TRPM4: variants seen among roughly 807,000 people sequenced by gnomAD.
The protein encoded by TRPM4 is transient receptor potential cation channel subfamily M member 4.
A neutral mutation model predicts 135.6 loss-of-function variants in TRPM4; 124 were observed. The observed-to-expected ratio is 0.91, with a 90% CI of 0.79 to 1.06. The LOEUF (loss-of-function observed/expected upper bound fraction) is 1.06, where lower values mean the gene tolerates loss of function less well. Among genes scored for constraint, TRPM4 ranks in the 50% least tolerant of loss-of-function variants. The probability of loss-of-function intolerance (pLI) is 0.00; values close to 1 mark genes in which losing one functional copy is unlikely to be tolerated. For missense variants in TRPM4, 1,658 were observed against 1,671.4 expected (o/e 0.99, Z 0.14); for synonymous variants, 745 against 705.6 (o/e 1.06, Z -0.88).
At chr19:49,196,164 T>C (rs1968626611) in intron 16 of TRPM4, among the ~76,000 whole-genome samples, 4 of 151,920 alleles carry the variant, frequency 2.6e-5, no homozygotes, top group African/African-American at 9.7e-5. Flanking sequence ...GATCCGGGTA[T>C]ATTTTTAAAA....
At chr19:49,162,163 G>A (rs889677713) in intron 2 of TRPM4, among the ~76,000 whole-genome samples, 14 of 152,152 alleles carry the variant, frequency 9.2e-5, no homozygotes, top group Non-Finnish European at 1.5e-4. Flanking sequence ...CTGTAGCCAG[G>A]GCCACTTGTG....
intron 17 of TRPM4, among the ~76,000 whole-genome samples, chr19:49,197,304 TTCTTTTTCTTTC>T (rs1187661254): frequency 6.5e-5 from 8 of 122,220 alleles, no homozygotes; most frequent in African/African-American, 3.0e-4. Context: ...TTCTCTTTCT[TTCTTTTTCTTTC>T]TTTCTTTCTT....
Position 49,200,439 on chromosome 19 carries a change from CA to C in TRPM4, c.2778+8del, listed in dbSNP as rs1600513831. ...CGTCATCGTGAGCAAGATGGTGAGGCAGGGGCGGGGCCAAAGTGGGCGGGGA... is the reference window on the plus strand; with the variant it reads ...CGTCATCGTGAGCAAGATGGTGAGGCGGGGCGGGGCCAAAGTGGGCGGGGA... On this transcript the variant is annotated splice_region_variant and intron_variant, in intron 18 of 24. Transcript: ENST00000252826. 6.2e-7 allele frequency: 1 copy of C among 1,603,048 alleles called. No individual in the cohort carries two copies. The highest frequency in any genetic ancestry group is 8.5e-7 in the Non-Finnish European group (1 of 1,175,860).
rs546238164 is a variant in TRPM4, at chr19:49,173,595, G to A, written c.1150+1487G>A. Among the ~76,000 whole-genome samples, 7 of 152,308 alleles carry A rather than the reference G, an allele frequency of 4.6e-5. No homozygotes were observed. The South Asian group carries it at 1.5e-3, about 32-fold the overall frequency. ...ACTAGAAATGGCAGCTTGGAGGACG[G>A]AATGATGAAAACCAAGGCGGGGGAG... On this transcript the variant is annotated intron_variant, in intron 9 of 24. Coordinates refer to ENST00000252826, the MANE Select transcript of TRPM4 (RefSeq NM_017636.4).
At chr19:49,176,610 T>C (rs1182604912) in intron 9 of TRPM4, among the ~76,000 whole-genome samples, 1 of 152,032 alleles carries the variant, frequency 6.6e-6, no homozygotes, top group Non-Finnish European at 1.5e-5. Flanking sequence ...ATCCCAACAT[T>C]TTGGGAGGCT....
rs59760626 is a variant in TRPM4 at position 49,197,473 on chromosome 19, CTCCTTCCTTCCTTCCTTCCTTCCTTCCT to C, written c.2645+614_2645+641del. On this transcript the variant is annotated intron_variant, in intron 17 of 24. Transcript: ENST00000252826. ...GTCCTCTGCCCCTCTGCCTCCCTCC[CTCCTTCCTTCCTTCCTTCCTTCCTTCCT>C]TCCTTCCTTCCTTCTATGCTTCCTT... is the stretch of plus-strand genomic sequence containing the variant. 8.2e-3 allele frequency among the ~76,000 whole-genome samples: 948 copies of C among 114,932 alleles called. 18 individuals are homozygous for C. The highest frequency in any genetic ancestry group is 0.03 in the African/African-American group (896 of 29,706). 75.4% of individuals were successfully genotyped at this position (114,932 alleles called of 152,430 possible).
At chr19:49,196,075 T>C (rs1022954363) in intron 16 of TRPM4, among the ~76,000 whole-genome samples, 40 of 151,952 alleles carry the variant, frequency 2.6e-4, no homozygotes, top group African/African-American at 8.9e-4. Context: ...GCCAGGCTGG[T>C]CTCGAACTCC....
Position 49,182,804 on chromosome 19 carries a change from A to C in TRPM4, c.1490A>C (p.Glu497Ala), listed in dbSNP as rs753611182. 5 of 1,577,412 alleles carry C rather than the reference A, an allele frequency of 3.2e-6. No individual in the cohort carries two copies. The highest frequency in any genetic ancestry group is 2.2e-5 in the East Asian group (1 of 44,874). Residue 497 changes from glutamate (E) to alanine (A), a missense_variant, in exon 11 of 25, where the codon GAG becomes GCG. Glu to Ala is a moderately radical substitution (Grantham distance 107). Coordinates refer to ENST00000252826, the MANE Select transcript of TRPM4 (RefSeq NM_017636.4). ...KAPALKGGAA[E>A]LRPPDVGHVL... ...CCAGCCCTAAAAGGGGGAGCTGCGG[A>C]GCTCCGGCCCCCTGACGTGGGGCAT... is the stretch of plus-strand genomic sequence containing the variant.
At chr19:49,182,477 C>T in intron 10 of TRPM4, 101 bp from the exon 11 acceptor site, 1 of 854,968 alleles carries the variant, frequency 1.2e-6, no homozygotes, top group Non-Finnish European at 1.9e-6. Flanking sequence ...TCCATCCATC[C>T]ATCCATCCAT....
At chr19:49,182,947 G>C (rs1024225281) in intron 11 of TRPM4, 25 bp downstream of exon 11, 94 of 1,577,946 alleles carry the variant, frequency 6.0e-5, no homozygotes, top group Middle Eastern at 4.4e-4. Context: ...AAGCTGGGGG[G>C]CCCCCCCGCG....
At chr19:49,209,026 A>C (rs61304201) in intron 20 of TRPM4, among the ~76,000 whole-genome samples, 8,114 of 151,964 alleles carry the variant, frequency 0.053, 636 homozygotes, top group African/African-American at 0.17. Context: ...TTGGTTGAGA[A>C]GATCATATGG....
intron 6 of TRPM4, 37 bp downstream of exon 6, chr19:49,168,773 C>T (rs976685502): frequency 7.1e-6 from 11 of 1,559,380 alleles, no homozygotes; most frequent in Non-Finnish European, 9.6e-6. Context: ...ACCCACGACC[C>T]ACAACCTGCA....
chr19:49,211,192 G>A lies in TRPM4; in HGVS notation c.3563G>A (p.Trp1188Ter). 6.2e-7 allele frequency: 1 copy of A among 1,603,090 alleles called. No homozygotes were observed. The highest frequency in any genetic ancestry group is 8.5e-7 in the Non-Finnish European group (1 of 1,175,598). The change falls in exon 24 of 25, where the codon TGG (tryptophan) becomes TAG (stop). Residue 1188 changes from tryptophan (W) to a stop codon, truncating the protein, a stop_gained. Transcript: ENST00000252826. LOFTEE classifies it high-confidence loss of function. This position sits in a 1 kb window ranked among gnomAD's most constrained non-coding sequence, Gnocchi z 4.8. ...EVQQCSRVLG[W>*]VAEALSRSAL... is the part of the protein sequence containing the mutation. ...CAGCAGTGTAGCCGCGTCCTGGGGT[G>A]GGTGGCCGAGGCCCTGAGCCGCTCT... is the stretch of plus-strand genomic sequence containing the variant.
Position 49,211,467 on chromosome 19 carries a change from T to C in TRPM4, c.3641-27T>C. 1 of 1,614,006 alleles carries C rather than the reference T, an allele frequency of 6.2e-7. No individual in the cohort carries two copies. Among genetic ancestry groups the C allele is most frequent in the East Asian group, 2.2e-5 (1 of 44,884 alleles). On this transcript the variant is annotated intron_variant, in intron 24 of 24. Coordinates refer to ENST00000252826, the MANE Select transcript of TRPM4 (RefSeq NM_017636.4). This position sits in a 1 kb window ranked among gnomAD's most constrained non-coding sequence, Gnocchi z 4.8. ...TCTCTCCCCTTCCCTGCCAATCACCTGCTCTCTCTTTTCTCTCTTCCCCCA... is the reference window on the plus strand; with the variant it reads ...TCTCTCCCCTTCCCTGCCAATCACCCGCTCTCTCTTTTCTCTCTTCCCCCA...
intron 17 of TRPM4, among the ~76,000 whole-genome samples, chr19:49,197,360 CTT>C (rs72122756): frequency 0.024 from 2,117 of 88,208 alleles, 51 homozygotes; most frequent in African/African-American, 0.12. Context: ...TTCTTTCTTT[CTT>C]TCTCTCTCTT....
At chr19:49,200,553 T>C (rs998690147) in intron 18 of TRPM4, 58 bp from the exon 19 acceptor site, 3 of 1,602,592 alleles carry the variant, frequency 1.9e-6, no homozygotes, top group Non-Finnish European at 1.7e-6. Context: ...TTTTGGGATA[T>C]AGGGGTGGGG....
At chr19:49,190,548 G>A in intron 15 of TRPM4, 148 bp from the exon 16 acceptor site, 1 of 876,596 alleles carries the variant, frequency 1.1e-6, no homozygotes, top group Non-Finnish European at 1.8e-6. Context: ...CCATGGCTCT[G>A]GGGGAAGGTC....
chr19:49,203,081 C>T (rs554812127), intron 20 of TRPM4, among the ~76,000 whole-genome samples: 29 of 151,486 alleles, frequency 1.9e-4, no homozygotes, highest in East Asian at 9.8e-4. Context: ...TTAGTAGAGA[C>T]GGAGTTTCAC....
chr19:49,164,009 A>G (rs559854505), intron 2 of TRPM4, among the ~76,000 whole-genome samples: 8 of 152,216 alleles, frequency 5.3e-5, no homozygotes, highest in Non-Finnish European at 8.8e-5. Flanking sequence ...GGTTCATCCC[A>G]TGTGTGGATC....
Sources: gnomAD v4.1 joint callset for allele counts (sites outside exome capture counted in the v4.1 genomes callset) on GRCh38, gnomAD v4.1.1 for gene constraint, Gnocchi (gnomAD v3.1) non-coding constraint, MANE v1.5 for transcripts, NCBI Gene and HGNC (gene_info 2026-07-23, HGNC 2026-07-21) for gene names.